The following SNTG1 variants were observed in gnomAD, a reference collection of about 807,000 sequenced individuals.
The protein encoded by SNTG1 is syntrophin gamma 1.
A neutral mutation model predicts 74.7 loss-of-function variants in SNTG1; 39 were observed. The ratio of observed to expected loss-of-function variants is 0.52; its 90% CI spans 0.40 to 0.68. SNTG1 has a LOEUF of 0.68. SNTG1 is among the 30% of genes least tolerant of loss of function. SNTG1 has a pLI of 0.00. For synonymous variants in SNTG1, 254 were observed against 217.1 expected, an observed-to-expected ratio of 1.17 and a Z score of -1.49; for missense variants, 685 against 609.5, an observed-to-expected ratio of 1.12 and a Z score of -1.30.
intron 2 of SNTG1, among the ~76,000 whole-genome samples, chr8:50,304,522 G>T (rs1273403583): frequency 2.0e-5 from 3 of 151,880 alleles, no homozygotes; most frequent in African/African-American, 7.3e-5. Flanking sequence ...TTAAAACAAA[G>T]ATAGAAAAGT....
intron 2 of SNTG1, among the ~76,000 whole-genome samples, chr8:50,307,046 T>C (rs547908208): frequency 1.3e-5 from 2 of 152,206 alleles, no homozygotes; most frequent in African/African-American, 2.4e-5. Context: ...TATTCCTGTA[T>C]ATAGTTATTC....
chr8:50,294,222 A>G (rs7846071), intron 2 of SNTG1, among the ~76,000 whole-genome samples: 10,526 of 152,286 alleles, frequency 0.069, 407 homozygotes, highest in African/African-American at 0.085. Flanking sequence ...TGCGACAAGT[A>G]AAAATGTCAA....
chr8:50,666,924 A>G (rs917471592), intron 15 of SNTG1, among the ~76,000 whole-genome samples: 8 of 152,128 alleles, frequency 5.3e-5, no homozygotes, highest in African/African-American at 1.9e-4. Context: ...CCCATACCCC[A>G]TATTTACTTA....
At chr8:50,545,412 T>A (rs1015832669) in intron 11 of SNTG1, among the ~76,000 whole-genome samples, 1 of 150,522 alleles carries the variant, frequency 6.6e-6, no homozygotes, top group Non-Finnish European at 1.5e-5. Flanking sequence ...CTCTTCAAGC[T>A]TTATTTTTCT....
chr8:50,327,094 G>T (rs868627170), intron 2 of SNTG1, among the ~76,000 whole-genome samples: 16 of 151,996 alleles, frequency 1.1e-4, no homozygotes, highest in Middle Eastern at 3.2e-3. Flanking sequence ...ATTTTAAGTT[G>T]TGTTTTATGG....
Position 50,395,405 on chromosome 8 carries a change from T to C in SNTG1, c.27+1140T>C, listed in dbSNP as rs555523370. On this transcript the variant is annotated intron_variant, in intron 3 of 18. Transcript: ENST00000642720. Reference sequence around the variant, plus strand: ...TACTATAAGGTCAGAGTGTGTACATTATTCATCTTTTTAACTTAGCACTTA... The same window carrying C: ...TACTATAAGGTCAGAGTGTGTACATCATTCATCTTTTTAACTTAGCACTTA... Among the ~76,000 whole-genome samples, 274 of 152,212 alleles carry C rather than the reference T, an allele frequency of 1.8e-3. 1 individual carries two copies. The highest frequency in any genetic ancestry group is 6.2e-3 in the African/African-American group (258 of 41,568).
At chr8:49,975,767 ATATGTGTGTG>A (rs1223033648) in intron 1 of SNTG1, among the ~76,000 whole-genome samples, 3 of 147,004 alleles carry the variant, frequency 2.0e-5, no homozygotes, top group Admixed American at 1.4e-4. Context: ...ATATATATAT[ATATGTGTGTG>A]TGTGTGTGTG....
chr8:50,245,587 G>A (rs934343111), intron 2 of SNTG1, among the ~76,000 whole-genome samples: 4 of 152,158 alleles, frequency 2.6e-5, no homozygotes, highest in African/African-American at 9.7e-5. Context: ...GGAGGCTGAG[G>A]CAGGAGAATC....
intron 15 of SNTG1, among the ~76,000 whole-genome samples, chr8:50,673,308 A>T (rs1226959048): frequency 6.6e-6 from 1 of 152,174 alleles, no homozygotes; most frequent in Non-Finnish European, 1.5e-5. Context: ...CTTATCCATG[A>T]GGATGGAATA....
chr8:50,552,685 G>A (rs2094434012), intron 11 of SNTG1, among the ~76,000 whole-genome samples: 1 of 152,152 alleles, frequency 6.6e-6, no homozygotes, highest in African/African-American at 2.4e-5. Context: ...ATGTTAAGAG[G>A]AGACAATGGT....
intron 1 of SNTG1, chr8:50,163,942 C>T (rs992042148): frequency 2.0e-5 from 3 of 152,156 alleles, no homozygotes; most frequent in Non-Finnish European, 4.4e-5. Context: ...TACATCTTTA[C>T]AATTGCTGCC....
intron 13 of SNTG1, among the ~76,000 whole-genome samples, chr8:50,650,393 G>A (rs1332204965): frequency 6.6e-6 from 1 of 152,012 alleles, no homozygotes; most frequent in Admixed American, 6.6e-5. Context: ...TTCTTGTCAG[G>A]TGCTGTTCCT....
intron 13 of SNTG1, among the ~76,000 whole-genome samples, chr8:50,651,280 T>C (rs2095144074): frequency 6.6e-6 from 1 of 152,018 alleles, no homozygotes; most frequent in Admixed American, 6.6e-5. Flanking sequence ...ACTTTCTCTC[T>C]TTCTTCCTAA....
chr8:50,395,922 A>G (rs536180864), intron 3 of SNTG1, among the ~76,000 whole-genome samples: 1 of 152,318 alleles, frequency 6.6e-6, no homozygotes, highest in African/African-American at 2.4e-5. Flanking sequence ...CCCAGTGGAT[A>G]TTTGTGTGAA....
intron 1 of SNTG1, among the ~76,000 whole-genome samples, chr8:50,145,688 A>G (rs540195785): frequency 6.6e-5 from 10 of 152,310 alleles, no homozygotes; most frequent in African/African-American, 2.4e-4. Flanking sequence ...CTCACCCGAC[A>G]AAGTTTAGGG....
intron 15 of SNTG1, among the ~76,000 whole-genome samples, chr8:50,668,646 C>A (rs1433768637): frequency 1.3e-5 from 2 of 151,262 alleles, no homozygotes; most frequent in Non-Finnish European, 2.9e-5. Context: ...AAGGTACCTC[C>A]CCTGACCCTT....
chr8:50,411,639 A>G (rs2092950604), intron 4 of SNTG1, among the ~76,000 whole-genome samples: 1 of 152,070 alleles, frequency 6.6e-6, no homozygotes, highest in South Asian at 2.1e-4. Context: ...GTCTTTTATT[A>G]TTAGAGATTG....
chr8:50,492,144 A>T (rs1303027187), intron 8 of SNTG1, among the ~76,000 whole-genome samples: 1 of 152,196 alleles, frequency 6.6e-6, no homozygotes, highest in Non-Finnish European at 1.5e-5. Context: ...ATTGATGGGC[A>T]TTTGGATTGG....
rs2093553718 is a variant in SNTG1 at position 50,460,753 on chromosome 8, A to T, written c.363+10024A>T. ...TTATTGAATAGGGAGTCCTTTCTTG[A>T]TTGTTTATTTTTGTCGACTTTGTCA... On this transcript the variant is annotated intron_variant, in intron 8 of 18. Transcript: ENST00000642720. Among the ~76,000 whole-genome samples the T allele has an allele frequency of 2.0e-5, 3 of 152,012 alleles. No homozygotes were observed. In the South Asian group the frequency reaches 6.2e-4, roughly 32 times the overall value.
Sources: allele counts gnomAD v4.1 joint callset (sites outside exome capture counted in the v4.1 genomes callset), GRCh38; gene constraint gnomAD v4.1.1; transcripts MANE v1.5; gene names NCBI Gene and HGNC (gene_info 2026-07-23, HGNC 2026-07-21).